SEMA4A: variants seen among roughly 807,000 people sequenced by gnomAD.
SEMA4A encodes the protein semaphorin-4A.
Under a neutral mutation model 72.5 loss-of-function variants are expected in SEMA4A, and 52 were observed. The observed-to-expected ratio is 0.72, with a 90% confidence interval of 0.57 to 0.90. The LOEUF is 0.90. Among genes scored for constraint, SEMA4A ranks in the 40% least tolerant of loss-of-function variants. The pLI is 0.00. For missense variants in SEMA4A, 926 were observed against 959.7 expected (o/e 0.96, Z 0.46); for synonymous variants, 369 against 393.1 (o/e 0.94, Z 0.73).
At position 156,174,938 on chromosome 1, in the gene SEMA4A, C is replaced by A; in HGVS notation, c.1432C>A (p.Gln478Lys). The A allele has an allele frequency of 6.2e-7, 1 of 1,614,244 alleles. No homozygotes were observed. Among genetic ancestry groups the A allele is most frequent in the Non-Finnish European group, 8.5e-7 (1 of 1,180,044 alleles). ...TCGCAACCTGCAGCTGGCCCCCACC[C>A]AGGTGGGAAGGGACCTGACCATCAA... ...PVRNLQLAPT[Q>K]GAVFVGFSGG... The change falls in exon 12 of 15, where the codon CAG becomes AAG. Residue 478 changes from glutamine to lysine, a missense_variant and splice_region_variant. By Grantham distance (53) the Gln-to-Lys change is moderately conservative. Coordinates refer to ENST00000368285, the MANE Select transcript of SEMA4A (RefSeq NM_022367.4).
chr1:156,158,521 A>G (rs751593333), intron 5 of SEMA4A, 35 bp downstream of exon 5: 2 of 1,535,332 alleles, frequency 1.3e-6, no homozygotes, highest in Admixed American at 1.7e-5. Context: ...CAGGCCCCCA[A>G]GCATCCCTTC....
chr1:156,163,862 C>CTCTG (rs1284527299), intron 10 of SEMA4A, among the ~76,000 whole-genome samples: 1 of 150,476 alleles, frequency 6.6e-6, no homozygotes, highest in African/African-American at 2.4e-5. Context: ...CATTGTAAGA[C>CTCTG]TCTGTCTCTA....
At position 156,175,257 on chromosome 1, in the gene SEMA4A, C is replaced by T; in HGVS notation, c.1592+14C>T. 6.2e-7 allele frequency: 1 copy of T among 1,603,990 alleles called. No homozygotes were observed. Among genetic ancestry groups the T allele is most frequent in the Non-Finnish European group, 8.5e-7 (1 of 1,174,506 alleles). On this transcript the variant is annotated intron_variant, in intron 13 of 14. Coordinates refer to ENST00000368285, the MANE Select transcript of SEMA4A (RefSeq NM_022367.4). ...TGCCCCCAACCTGTGAGTGCCAGTC[C>T]TGGATGGTGGCCTGGATGGCCAGCC...
intron 2 of SEMA4A, 49 bp from the exon 3 acceptor site, chr1:156,156,365 G>C (rs763046936): frequency 1.3e-6 from 2 of 1,589,676 alleles, no homozygotes; most frequent in South Asian, 2.2e-5. Context: ...GGAGTCAGCT[G>C]CCTGCCCACC....
At chr1:156,168,784 T>A (rs1392080559) in intron 10 of SEMA4A, among the ~76,000 whole-genome samples, 1 of 152,206 alleles carries the variant, frequency 6.6e-6, no homozygotes, top group Non-Finnish European at 1.5e-5. Flanking sequence ...GTATCTTTAC[T>A]GTATCTTAGG....
intron 10 of SEMA4A, among the ~76,000 whole-genome samples, chr1:156,172,568 C>T (rs929102089): frequency 2.0e-5 from 3 of 152,160 alleles, no homozygotes; most frequent in African/African-American, 7.2e-5. Flanking sequence ...AATTATTTTT[C>T]ATGTATTAGT....
At chr1:156,173,707 T>C (rs2103004498) in intron 11 of SEMA4A, among the ~76,000 whole-genome samples, 1 of 152,244 alleles carries the variant, frequency 6.6e-6, no homozygotes, top group African/African-American at 2.4e-5. Flanking sequence ...AAGGGAGCTC[T>C]TATTTGAAGG....
intron 1 of SEMA4A, 92 bp from the exon 2 acceptor site, chr1:156,154,458 C>T (rs1164868593): frequency 2.1e-5 from 25 of 1,203,378 alleles, no homozygotes; most frequent in East Asian, 5.1e-5. Flanking sequence ...CCAATACACA[C>T]GCTTCTGCTG....
chr1:156,151,693 G>A (rs1017105422), upstream of SEMA4A, among the ~76,000 whole-genome samples: 1 of 151,650 alleles, frequency 6.6e-6, no homozygotes, highest in Admixed American at 6.6e-5. Flanking sequence ...AAAATTAGCC[G>A]GGCTTGGTGG....
In SEMA4A at chr1:156,154,583, C is replaced by T; in HGVS notation, c.5C>T (p.Ala2Val). The T allele has an allele frequency of 1.2e-6, 2 of 1,609,786 alleles. No homozygotes were observed. Among genetic ancestry groups the T allele is most frequent in the Admixed American group, 1.7e-5 (1 of 59,710 alleles). The change falls in exon 2 of 15, where the codon GCC (alanine) becomes GTC (valine). Residue 2 changes from alanine to valine, a missense_variant. By Grantham distance (64) the Ala-to-Val change is moderately conservative. Transcript: ENST00000368285. ...GGTGACAGTCTGTGGCTGAGCATGGCCCTCCCAGCCCTGGGCCTGGACCCC... is the reference window on the plus strand; with the variant it reads ...GGTGACAGTCTGTGGCTGAGCATGGTCCTCCCAGCCCTGGGCCTGGACCCC... MALPALGLDPWS... is the reference protein window; with the variant it reads MVLPALGLDPWS...
upstream of SEMA4A, among the ~76,000 whole-genome samples, chr1:156,148,282 T>G (rs1210420307): frequency 6.6e-6 from 1 of 152,120 alleles, no homozygotes; most frequent in Non-Finnish European, 1.5e-5. Context: ...CATCTTAATT[T>G]CAAATCATGT....
chr1:156,175,635 C>T lies in SEMA4A; in HGVS notation c.1672C>T (p.Pro558Ser). ...TGGCCCCATGAGCAGGAGCCTTCGGCCTCAGAGCCGCCCGCAAATCAGTGA... is the reference window on the plus strand; with the variant it reads ...TGGCCCCATGAGCAGGAGCCTTCGGTCTCAGAGCCGCCCGCAAATCAGTGA... ...ASGPMSRSLR[P>S]QSRPQIIKEV... Residue 558 changes from proline to serine, a missense_variant, in exon 14 of 15, where the codon CCT becomes TCT. Coordinates refer to ENST00000368285, the MANE Select transcript of SEMA4A (RefSeq NM_022367.4). 3.7e-6 allele frequency: 6 copies of T among 1,610,010 alleles called. No homozygotes were observed. The highest frequency in any genetic ancestry group is 5.1e-6 in the Non-Finnish European group (6 of 1,178,256).
intron 10 of SEMA4A, among the ~76,000 whole-genome samples, chr1:156,168,125 T>C (rs1008897784): frequency 2.0e-5 from 3 of 152,142 alleles, no homozygotes; most frequent in Non-Finnish European, 2.9e-5. Flanking sequence ...GATTTCACCA[T>C]GTTGGCCAGG....
At chr1:156,161,627 C>A in intron 9 of SEMA4A, 109 bp downstream of exon 9, 1 of 1,174,544 alleles carries the variant, frequency 8.5e-7, no homozygotes, top group Non-Finnish European at 1.2e-6. Context: ...CTACTCAGCA[C>A]TTTCACATAG....
At chr1:156,172,730 TGAGG>T in intron 10 of SEMA4A, 92 bp from the exon 11 acceptor site, 1 of 1,166,698 alleles carries the variant, frequency 8.6e-7, no homozygotes, top group Non-Finnish European at 1.3e-6. Context: ...AGGACTGCCA[TGAGG>T]GAGGGGGTAA....
intron 10 of SEMA4A, among the ~76,000 whole-genome samples, chr1:156,171,082 C>T (rs772273166): frequency 2.0e-5 from 3 of 152,102 alleles, no homozygotes; most frequent in South Asian, 4.1e-4. Flanking sequence ...ACAAAAAAAC[C>T]CTTTGGGAGG....
Position 156,172,982 on chromosome 1 carries a change from C to T in SEMA4A, c.1291C>T (p.His431Tyr). The change falls in exon 11 of 15, where the codon CAT becomes TAT. Residue 431 changes from histidine (H) to tyrosine (Y), a missense_variant. Coordinates refer to ENST00000368285, the MANE Select transcript of SEMA4A (RefSeq NM_022367.4). ...ETAQGLDGHSHLVMYLGTTTG... is the reference protein window; with the variant it reads ...ETAQGLDGHSYLVMYLGTTTG... ...AGCCCAGGGCCTTGATGGGCACAGCCATCTTGTCATGTACCTGGGAACCAG... is the reference window on the plus strand; with the variant it reads ...AGCCCAGGGCCTTGATGGGCACAGCTATCTTGTCATGTACCTGGGAACCAG... 6.2e-7 allele frequency: 1 copy of T among 1,614,058 alleles called. No individual in the cohort carries two copies. The highest frequency in any genetic ancestry group is 8.5e-7 in the Non-Finnish European group (1 of 1,179,924).
Position 156,163,672 on chromosome 1 carries a change from GATTGCGCC to G in SEMA4A, c.1134+580_1134+587del, listed in dbSNP as rs1218252103. On this transcript the variant is annotated intron_variant, in intron 10 of 14. Transcript: ENST00000368285. ...GGAGGCAGAGGTTGCAGTGAGCCAA[GATTGCGCC>G]ACTGCACTCCAGCCTGGGTGAAAGA... Among the ~76,000 whole-genome samples, 51 of 126,412 alleles carry G rather than the reference GATTGCGCC, an allele frequency of 4.0e-4. 1 individual carries two copies. Among genetic ancestry groups the G allele is most frequent in the African/African-American group, 1.4e-3 (48 of 33,402 alleles). 82.9% of individuals were successfully genotyped at this position (126,412 alleles called of 152,430 possible). A position where few individuals can be genotyped will look rare whatever the true frequency, so the allele number is the denominator to read the frequency against.
At chr1:156,173,928 T>G (rs1000763011) in intron 11 of SEMA4A, among the ~76,000 whole-genome samples, 1 of 151,984 alleles carries the variant, frequency 6.6e-6, no homozygotes, top group Non-Finnish European at 1.5e-5. Flanking sequence ...TGGCCAACAT[T>G]GTGAAACCCG....
Sources: gnomAD v4.1 joint callset for allele counts (sites outside exome capture counted in the v4.1 genomes callset) on GRCh38, gnomAD v4.1.1 for gene constraint, MANE v1.5 for transcripts, NCBI Gene and HGNC (gene_info 2026-07-23, HGNC 2026-07-21) for gene names.